FILIP1: variants seen among roughly 807,000 people sequenced by gnomAD.
FILIP1 encodes the protein filamin-A-interacting protein 1.
In FILIP1, 61 loss-of-function variants were observed where a neutral mutation model predicts 102.1. That is an observed-to-expected ratio of 0.60 (90% CI 0.49 to 0.74). FILIP1 has a LOEUF of 0.74. Ranked by LOEUF, FILIP1 falls within the 30% of genes least tolerant of loss-of-function variation. The probability of loss-of-function intolerance (pLI) is 0.00; values close to 1 mark genes in which losing one functional copy is unlikely to be tolerated. For synonymous variants in FILIP1, 491 were observed against 526.9 expected, an observed-to-expected ratio of 0.93 and a Z score of 0.93; for missense variants, 1,314 against 1,441.2, an observed-to-expected ratio of 0.91 and a Z score of 1.43.
chr6:75,426,814 C>T (rs1225503461), intron 1 of FILIP1, among the ~76,000 whole-genome samples: 2 of 152,102 alleles, frequency 1.3e-5, no homozygotes, highest in East Asian at 1.9e-4. Context: ...TGACCCATTA[C>T]AGTTACACAG....
chr6:75,308,529 A>G lies in FILIP1; in HGVS notation c.*162T>C. 3 of 1,447,886 alleles carry G rather than the reference A, an allele frequency of 2.1e-6. No homozygotes were observed. Among genetic ancestry groups the G allele is most frequent in the Non-Finnish European group, 2.7e-6 (3 of 1,104,152 alleles). The allele number at this position is 1,447,886 out of a possible 1,614,324, so 89.7% of individuals were successfully genotyped here. A position where few individuals can be genotyped will look rare whatever the true frequency, so the allele number is the denominator to read the frequency against. Reference sequence around the variant, plus strand: ...AATTTTGTTCCCCAGCATCAAAACAAATGCACAAAATGGGAAAGACAAATG... The same window carrying G: ...AATTTTGTTCCCCAGCATCAAAACAGATGCACAAAATGGGAAAGACAAATG... On this transcript the variant is annotated 3_prime_UTR_variant, in exon 6 of 6. Transcript: ENST00000237172.
At chr6:75,375,619 C>A (rs183817395) in intron 2 of FILIP1, among the ~76,000 whole-genome samples, 7 of 152,164 alleles carry the variant, frequency 4.6e-5, no homozygotes, top group Non-Finnish European at 8.8e-5. Context: ...TTTATAAAGT[C>A]TTTGATCTTA....
chr6:75,403,492 A>C (rs1776728581), intron 2 of FILIP1, among the ~76,000 whole-genome samples: 1 of 148,986 alleles, frequency 6.7e-6, no homozygotes, highest in Admixed American at 6.7e-5. Context: ...CAGCCTGGGC[A>C]ACAAAGCAAG....
intron 1 of FILIP1, among the ~76,000 whole-genome samples, chr6:75,433,041 T>C (rs1272460304): frequency 2.0e-5 from 3 of 152,192 alleles, no homozygotes; most frequent in African/African-American, 4.8e-5. Flanking sequence ...TATTCCATGG[T>C]GTATATGTGC....
intron 1 of FILIP1, among the ~76,000 whole-genome samples, chr6:75,482,895 T>C (rs1166071248): frequency 6.6e-6 from 1 of 152,222 alleles, no homozygotes; most frequent in Non-Finnish European, 1.5e-5. Flanking sequence ...AGTACTTGTT[T>C]GGTTCAAGGT....
At chr6:75,320,284 C>T (rs951667959) in intron 4 of FILIP1, among the ~76,000 whole-genome samples, 2 of 152,100 alleles carry the variant, frequency 1.3e-5, no homozygotes, top group Non-Finnish European at 2.9e-5. Flanking sequence ...AGGCTGGGAG[C>T]GGTGGCTCAA....
intron 4 of FILIP1, chr6:75,319,580 C>CGGGCGTG (rs1773570893): frequency 8.1e-6 from 4 of 495,782 alleles, no homozygotes; most frequent in South Asian, 6.5e-5. Flanking sequence ...CCTGTAATCC[C>CGGGCGTG]AGCACTTTGG....
At chr6:75,371,324 A>T (rs1213203833) in intron 2 of FILIP1, among the ~76,000 whole-genome samples, 1 of 152,224 alleles carries the variant, frequency 6.6e-6, no homozygotes, top group Non-Finnish European at 1.5e-5. Context: ...CTTCAGACTG[A>T]ATATCCACCA....
intron 1 of FILIP1, among the ~76,000 whole-genome samples, chr6:75,466,015 C>G (rs1423049467): frequency 2.0e-5 from 3 of 152,160 alleles, no homozygotes; most frequent in Non-Finnish European, 4.4e-5. Context: ...TAAGGCCCAC[C>G]CAGGTTATTC....
chr6:75,412,563 C>G (rs1777115761), intron 2 of FILIP1, among the ~76,000 whole-genome samples: 1 of 152,074 alleles, frequency 6.6e-6, no homozygotes, highest in Non-Finnish European at 1.5e-5. Flanking sequence ...TACATTTTTA[C>G]CAGTCCACCC....
At chr6:75,371,231 T>C (rs1288342572) in intron 2 of FILIP1, among the ~76,000 whole-genome samples, 1 of 152,216 alleles carries the variant, frequency 6.6e-6, no homozygotes, top group African/African-American at 2.4e-5. Flanking sequence ...ACTTTTTCTC[T>C]CTTTGGAGAA....
chr6:75,383,764 C>T (rs1039774453), intron 2 of FILIP1, among the ~76,000 whole-genome samples: 2 of 152,152 alleles, frequency 1.3e-5, no homozygotes, highest in African/African-American at 4.8e-5. Context: ...CAGATAGACA[C>T]TATTATTATC....
At chr6:75,463,372 G>A (rs926609234) in intron 1 of FILIP1, among the ~76,000 whole-genome samples, 2 of 152,274 alleles carry the variant, frequency 1.3e-5, no homozygotes, top group Middle Eastern at 3.4e-3. Context: ...ATTGATTACC[G>A]TGTTTGTGTG....
intron 2 of FILIP1, among the ~76,000 whole-genome samples, chr6:75,401,456 T>C (rs543504082): frequency 6.6e-6 from 1 of 152,304 alleles, no homozygotes; most frequent in Non-Finnish European, 1.5e-5. Context: ...GCTTCATCCA[T>C]GGTCTCCTCA....
In FILIP1 at chr6:75,312,541, C is replaced by T; in HGVS notation, c.3291G>A (p.Val1097=). 1.2e-6 allele frequency: 2 copies of T among 1,614,160 alleles called. No individual in the cohort carries two copies. The highest frequency in any genetic ancestry group is 1.3e-5 in the African/African-American group (1 of 75,030). ...SPVITVRPVN[V]TAEKEVSTGT... ...CGGTGGAAACCTCCTTTTCGGCTGT[C>T]ACGTTTACTGGTCGGACAGTAATAA... Residue 1097 remains valine (V), a synonymous_variant, in exon 5 of 6, where the codon GTG becomes GTA. Coordinates refer to ENST00000237172, the MANE Select transcript of FILIP1 (RefSeq NM_015687.5).
intron 1 of FILIP1, among the ~76,000 whole-genome samples, chr6:75,435,200 T>A (rs1777974681): frequency 6.6e-6 from 1 of 152,182 alleles, no homozygotes; most frequent in Non-Finnish European, 1.5e-5. Flanking sequence ...GCTGGCCTCA[T>A]AAAATGGAGA....
chr6:75,384,381 C>T (rs1776011810), intron 2 of FILIP1, among the ~76,000 whole-genome samples: 1 of 152,156 alleles, frequency 6.6e-6, no homozygotes, highest in Admixed American at 6.5e-5. Flanking sequence ...CTTCTCTTTC[C>T]TTTAGCACCT....
At chr6:75,326,703 G>A (rs1773878000) in intron 4 of FILIP1, among the ~76,000 whole-genome samples, 1 of 152,150 alleles carries the variant, frequency 6.6e-6, no homozygotes, top group Non-Finnish European at 1.5e-5. Flanking sequence ...TAACTTAAGA[G>A]AACATGACTA....
chr6:75,459,296 A>C lies in FILIP1; in HGVS notation c.-7+34118T>G, dbSNP rs1022318292. 3.9e-5 allele frequency among the ~76,000 whole-genome samples: 6 copies of C among 152,216 alleles called. 1 individual carries two copies. The South Asian group carries it at 1.2e-3, about 32-fold the overall frequency. On this transcript the variant is annotated intron_variant, in intron 1 of 5. Transcript: ENST00000237172. ...TTATGAGTTGAGTTTTTTAAAACGCAGTATTAAAAATATTCATTCAGCATG... is the reference window on the plus strand; with the variant it reads ...TTATGAGTTGAGTTTTTTAAAACGCCGTATTAAAAATATTCATTCAGCATG...
Sources: gnomAD v4.1 joint callset for allele counts (sites outside exome capture counted in the v4.1 genomes callset) on GRCh38, gnomAD v4.1.1 for gene constraint, MANE v1.5 for transcripts, NCBI Gene and HGNC (gene_info 2026-07-23, HGNC 2026-07-21) for gene names.